The following ALOX5 variants were observed in gnomAD, a reference collection of about 807,000 sequenced individuals.
ALOX5 encodes the protein arachidonate 5-lipoxygenase, also known as polyunsaturated fatty acid 5-lipoxygenase.
In ALOX5, 64 loss-of-function variants were observed where a neutral mutation model predicts 87.9. The ratio of observed to expected loss-of-function variants is 0.73; its 90% CI spans 0.60 to 0.90. The LOEUF (loss-of-function observed/expected upper bound fraction) is 0.90. Ranked by LOEUF, ALOX5 falls within the 40% of genes least tolerant of loss-of-function variation. The pLI, the probability that ALOX5 is intolerant of heterozygous loss-of-function variation, is 0.00. For missense variants in ALOX5, 822 were observed against 907.5 expected, an observed-to-expected ratio of 0.91 and a Z score of 1.21; for synonymous variants, 388 against 355.1, an observed-to-expected ratio of 1.09 and a Z score of -1.04.
At chr10:45,384,280 T>A (rs1046604722) in intron 2 of ALOX5, among the ~76,000 whole-genome samples, 6 of 152,176 alleles carry the variant, frequency 3.9e-5, no homozygotes, top group African/African-American at 1.4e-4. Context: ...GAAAACCCAT[T>A]GAGGCATCTC....
chr10:45,384,525 G>T (rs1400215381), intron 2 of ALOX5, among the ~76,000 whole-genome samples: 3 of 152,142 alleles, frequency 2.0e-5, no homozygotes, highest in Non-Finnish European at 2.9e-5. Context: ...TCATGTGTCT[G>T]GCACCTCTAG....
intron 3 of ALOX5, among the ~76,000 whole-genome samples, chr10:45,400,922 C>T (rs1265841873): frequency 6.6e-6 from 1 of 152,108 alleles, no homozygotes; most frequent in African/African-American, 2.4e-5. Flanking sequence ...CTTTTGATAG[C>T]ATATTTTTAA....
chr10:45,395,636 G>A (rs1334999354), intron 2 of ALOX5, among the ~76,000 whole-genome samples: 1 of 151,976 alleles, frequency 6.6e-6, no homozygotes, highest in South Asian at 2.1e-4. Context: ...TCACTAATTA[G>A]GTGTGTGACC....
At chr10:45,439,271 G>A (rs1345931559) in intron 7 of ALOX5, among the ~76,000 whole-genome samples, 1 of 152,076 alleles carries the variant, frequency 6.6e-6, no homozygotes, top group African/African-American at 2.4e-5. Context: ...AGGGAGAGAC[G>A]CCCAAGGACC....
chr10:45,381,746 A>G (rs1242684994), intron 1 of ALOX5, among the ~76,000 whole-genome samples: 2 of 152,244 alleles, frequency 1.3e-5, no homozygotes, highest in East Asian at 1.9e-4. Flanking sequence ...ATCCTGGCTC[A>G]CTGGATTCTC....
chr10:45,414,576 A>C (rs966890065), intron 4 of ALOX5, among the ~76,000 whole-genome samples: 2 of 152,240 alleles, frequency 1.3e-5, no homozygotes, highest in Non-Finnish European at 2.9e-5. Context: ...ACAAAAGCCA[A>C]AATGGACAAA....
At chr10:45,387,054 C>T (rs952562323) in intron 2 of ALOX5, among the ~76,000 whole-genome samples, 4 of 152,146 alleles carry the variant, frequency 2.6e-5, no homozygotes, top group African/African-American at 4.8e-5. Flanking sequence ...GCATTTACTG[C>T]GTGCCAGGCG....
chr10:45,414,821 G>A (rs1357687512), intron 4 of ALOX5, among the ~76,000 whole-genome samples: 2 of 152,182 alleles, frequency 1.3e-5, no homozygotes, highest in Non-Finnish European at 2.9e-5. Flanking sequence ...GCAGCCAATA[G>A]ACACATGAAG....
At chr10:45,389,731 G>A (rs1840141633) in intron 2 of ALOX5, among the ~76,000 whole-genome samples, 1 of 152,086 alleles carries the variant, frequency 6.6e-6, no homozygotes, top group Admixed American at 6.5e-5. Flanking sequence ...ACCAGCCACT[G>A]CAAAAACATG....
chr10:45,401,635 T>G (rs1256470555), intron 3 of ALOX5, among the ~76,000 whole-genome samples: 1 of 152,186 alleles, frequency 6.6e-6, no homozygotes, highest in Admixed American at 6.5e-5. Flanking sequence ...GATGGATGCC[T>G]CATCATTCAC....
intron 13 of ALOX5, 91 bp downstream of exon 13, chr10:45,444,377 T>C: frequency 5.6e-6 from 8 of 1,430,848 alleles, no homozygotes; most frequent in Non-Finnish European, 5.5e-6. Context: ...GCCCCAAGGC[T>C]CACTTGGAGC....
At chr10:45,379,368 C>T (rs1839748987) in intron 1 of ALOX5, among the ~76,000 whole-genome samples, 1 of 152,160 alleles carries the variant, frequency 6.6e-6, no homozygotes. Context: ...CTCTGGTGGC[C>T]GCCCCTCAGT....
At chr10:45,443,673 C>G in intron 11 of ALOX5, 55 bp from the exon 12 acceptor site, 2 of 1,592,100 alleles carry the variant, frequency 1.3e-6, no homozygotes, top group Non-Finnish European at 8.5e-7. Context: ...GGGTGGGCGC[C>G]GGGCCCTGGG....
intron 2 of ALOX5, among the ~76,000 whole-genome samples, chr10:45,395,452 G>C (rs1330329242): frequency 6.6e-6 from 1 of 152,110 alleles, no homozygotes; most frequent in Non-Finnish European, 1.5e-5. Flanking sequence ...ACCAAGGTCT[G>C]TCATGGGGTG....
At chr10:45,419,063 C>A (rs1372708648) in intron 4 of ALOX5, among the ~76,000 whole-genome samples, 1 of 152,194 alleles carries the variant, frequency 6.6e-6, no homozygotes, top group Non-Finnish European at 1.5e-5. Flanking sequence ...CACAGGGGCG[C>A]TTTCCAGTGA....
Position 45,424,992 on chromosome 10 carries a change from A to G in ALOX5, c.694A>G (p.Met232Val), listed in dbSNP as rs764413820. The change falls in exon 6 of 14, where the codon ATG (methionine) becomes GTG (valine). Residue 232 changes from methionine (M) to valine (V), a missense_variant. By Grantham distance (21) the Met-to-Val change is conservative (BLOSUM62 1). Transcript: ENST00000374391. ...RVMNHWQEDLMFGYQFLNGCN... is the reference protein window; with the variant it reads ...RVMNHWQEDLVFGYQFLNGCN... ...CATGAATCACTGGCAGGAAGACCTG[A>G]TGTTTGGCTACCAGTTCCTGAATGG... 1.9e-6 allele frequency: 3 copies of G among 1,614,190 alleles called. No homozygotes were observed. In the East Asian group the frequency reaches 6.7e-5, roughly 36 times the overall value.
chr10:45,444,292 G>T lies in ALOX5; in HGVS notation c.1845+6G>T. 1 of 1,549,364 alleles carries T rather than the reference G, an allele frequency of 6.5e-7. No homozygotes were observed. The highest frequency in any genetic ancestry group is 2.4e-5 in the East Asian group (1 of 41,610). ...GCCAGTTCCAGGAAAACGAGGTGAA[G>T]CTGGGCAGGGCGGGGCACAGCCCCA... On this transcript the variant is annotated splice_donor_region_variant and intron_variant, in intron 13 of 13. Coordinates refer to ENST00000374391, the MANE Select transcript of ALOX5 (RefSeq NM_000698.5).
intron 1 of ALOX5, among the ~76,000 whole-genome samples, chr10:45,378,733 C>T (rs1174642620): frequency 3.3e-5 from 5 of 152,178 alleles, no homozygotes; most frequent in African/African-American, 7.2e-5. Context: ...AGCCATCAAG[C>T]TTTGTCTTTT....
intron 3 of ALOX5, among the ~76,000 whole-genome samples, chr10:45,398,517 A>C (rs1840591662): frequency 1.3e-5 from 2 of 152,260 alleles, no homozygotes; most frequent in South Asian, 4.1e-4. Flanking sequence ...ATGTCATCAA[A>C]TTTACAAACC....
Sources: allele counts gnomAD v4.1 joint callset (sites outside exome capture counted in the v4.1 genomes callset), GRCh38; gene constraint gnomAD v4.1.1; transcripts MANE v1.5; gene names NCBI Gene and HGNC (gene_info 2026-07-23, HGNC 2026-07-21).